The following ENOX1 variants were observed in gnomAD, a reference collection of about 807,000 sequenced individuals.
ENOX1 encodes ecto-NOX disulfide-thiol exchanger 1, also known as candidate growth-related and time keeping constitutive hydroquinone (NADH) oxidase.
Under a neutral mutation model 82.5 loss-of-function variants are expected in ENOX1, and 42 were observed. That is an observed-to-expected ratio of 0.51 (90% confidence interval 0.40 to 0.66). ENOX1 has a LOEUF of 0.66. Among genes scored for constraint, ENOX1 ranks in the 30% least tolerant of loss-of-function variants. The pLI is 0.00. For missense variants in ENOX1, 608 were observed against 811.6 expected (o/e 0.75, Z 3.05); for synonymous variants, 271 against 282.2 (o/e 0.96, Z 0.40).
At chr13:43,430,915 C>G (rs750763584) in intron 3 of ENOX1, among the ~76,000 whole-genome samples, 7 of 152,106 alleles carry the variant, frequency 4.6e-5, no homozygotes, top group Non-Finnish European at 8.8e-5. Flanking sequence ...CTGAAGCTGT[C>G]CTTTTGCATT....
At chr13:43,754,596 T>C (rs183258070) in intron 1 of ENOX1, among the ~76,000 whole-genome samples, 14 of 151,950 alleles carry the variant, frequency 9.2e-5, no homozygotes, top group African/African-American at 3.4e-4. Flanking sequence ...GCTTGTTTTT[T>C]TTTTTAGAGA....
At chr13:43,412,731 T>C in intron 4 of ENOX1, 114 bp downstream of exon 4, 1 of 1,207,794 alleles carries the variant, frequency 8.3e-7, no homozygotes, top group Non-Finnish European at 1.1e-6. Context: ...CAGACTGATT[T>C]CTTTATGGGC....
At chr13:43,528,167 A>G (rs2078060065) in intron 2 of ENOX1, among the ~76,000 whole-genome samples, 1 of 152,096 alleles carries the variant, frequency 6.6e-6, no homozygotes, top group East Asian at 1.9e-4. Flanking sequence ...GAAACCTATG[A>G]CAGACTTCTA....
chr13:43,384,299 T>C (rs2052265617), intron 5 of ENOX1, among the ~76,000 whole-genome samples: 1 of 152,142 alleles, frequency 6.6e-6, no homozygotes, highest in African/African-American at 2.4e-5. Flanking sequence ...GCAAGCACAG[T>C]AGGAACAAGA....
intron 14 of ENOX1, among the ~76,000 whole-genome samples, chr13:43,246,999 C>A (rs2043115426): frequency 6.6e-6 from 1 of 152,128 alleles, no homozygotes; most frequent in African/African-American, 2.4e-5. Context: ...AATATTGATA[C>A]CAGAATCAGA....
At chr13:43,214,218 C>A in intron 16 of ENOX1, 97 bp from the exon 17 acceptor site, 1 of 1,303,994 alleles carries the variant, frequency 7.7e-7, no homozygotes. Context: ...ATATGAACAG[C>A]ATTTAGTTTT....
At chr13:43,421,853 T>C (rs2054994278) in intron 3 of ENOX1, among the ~76,000 whole-genome samples, 1 of 149,710 alleles carries the variant, frequency 6.7e-6, no homozygotes, top group Non-Finnish European at 1.5e-5. Flanking sequence ...GTTATAAATT[T>C]ATAAAATATA....
intron 2 of ENOX1, among the ~76,000 whole-genome samples, chr13:43,611,959 A>C (rs951974103): frequency 6.6e-6 from 1 of 152,242 alleles, no homozygotes; most frequent in African/African-American, 2.4e-5. Flanking sequence ...TTCAGGGTTA[A>C]CACATTTTTT....
chr13:43,758,175 G>T (rs1950757242), intron 1 of ENOX1, among the ~76,000 whole-genome samples: 1 of 152,044 alleles, frequency 6.6e-6, no homozygotes, highest in Non-Finnish European at 1.5e-5. Context: ...GGCAGAGGTT[G>T]CAGTGAGCCA....
chr13:43,704,267 A>T (rs564330614), intron 1 of ENOX1, among the ~76,000 whole-genome samples: 4 of 152,160 alleles, frequency 2.6e-5, no homozygotes, highest in Non-Finnish European at 5.9e-5. Context: ...CTGATGTAAC[A>T]GTATTTAAAG....
Position 43,296,133 on chromosome 13 carries a change from A to T in ENOX1, c.1446+2213T>A, listed in dbSNP as rs1052348057. 2.6e-5 allele frequency among the ~76,000 whole-genome samples: 4 copies of T among 152,180 alleles called. No homozygotes were observed. In the South Asian group the frequency reaches 8.3e-4, roughly 32 times the overall value. On this transcript the variant is annotated intron_variant, in intron 12 of 16. Coordinates refer to ENST00000690772, the MANE Select transcript of ENOX1 (RefSeq NM_001347969.2). ...TTTGACTGTCTACTACGTGTCTGTT[A>T]TGGATTGAATTGTGCCCTGCCCCCC... is the stretch of plus-strand genomic sequence containing the variant.
Position 43,290,516 on chromosome 13 carries a change from G to A in ENOX1, c.1446+7830C>T, listed in dbSNP as rs1353147657. Among the ~76,000 whole-genome samples the A allele has an allele frequency of 4.6e-5, 7 of 152,242 alleles. No homozygotes were observed. The East Asian group carries it at 7.7e-4, about 17-fold the overall frequency. ...ACATAGTAACAGGAAACCAAATACT[G>A]CATCTTCTCAATTATAAGTGGGAGC... is the stretch of plus-strand genomic sequence containing the variant. On this transcript the variant is annotated intron_variant, in intron 12 of 16. Transcript: ENST00000690772.
chr13:43,609,933 A>C, intron 2 of ENOX1: 1 of 979,884 alleles, frequency 1.0e-6, no homozygotes, highest in Non-Finnish European at 1.2e-6. Context: ...GAGAAGAGCA[A>C]GATAAATTAA....
chr13:43,496,108 T>C (rs1383566707), intron 2 of ENOX1, among the ~76,000 whole-genome samples: 2 of 152,140 alleles, frequency 1.3e-5, no homozygotes, highest in Non-Finnish European at 2.9e-5. Context: ...ATATTTGCCC[T>C]TTCTGTGGCT....
intron 13 of ENOX1, among the ~76,000 whole-genome samples, chr13:43,267,574 A>G (rs1384129051): frequency 6.6e-6 from 1 of 152,228 alleles, no homozygotes; most frequent in East Asian, 1.9e-4. Flanking sequence ...CTATGTGGGC[A>G]CTGAAACTGT....
intron 3 of ENOX1, among the ~76,000 whole-genome samples, chr13:43,479,650 C>T (rs1437305942): frequency 6.6e-6 from 1 of 152,200 alleles, no homozygotes; most frequent in African/African-American, 2.4e-5. Flanking sequence ...TATTTCTAGG[C>T]AGCTAAAAAA....
chr13:43,676,021 T>G (rs1186994665), intron 1 of ENOX1, among the ~76,000 whole-genome samples: 1 of 152,174 alleles, frequency 6.6e-6, no homozygotes, highest in African/African-American at 2.4e-5. Flanking sequence ...TAGACAGACA[T>G]TTAAATTATG....
At chr13:43,511,979 A>G (rs1593563884) in intron 2 of ENOX1, among the ~76,000 whole-genome samples, 1 of 152,120 alleles carries the variant, frequency 6.6e-6, no homozygotes, top group South Asian at 2.1e-4. Flanking sequence ...TATATACACT[A>G]TGGACAATAT....
chr13:43,384,734 CT>C (rs2052297765), intron 5 of ENOX1, among the ~76,000 whole-genome samples: 1 of 152,146 alleles, frequency 6.6e-6, no homozygotes, highest in Admixed American at 6.6e-5. Flanking sequence ...GTCTTTGAAA[CT>C]ATTAAAAGAA....
Sources: allele counts gnomAD v4.1 joint callset (sites outside exome capture counted in the v4.1 genomes callset), GRCh38; gene constraint gnomAD v4.1.1; transcripts MANE v1.5; gene names NCBI Gene and HGNC (gene_info 2026-07-23, HGNC 2026-07-21).